Variants in KCTD1 observed in about 807,000 individuals in gnomAD.
KCTD1 encodes the protein potassium channel tetramerization domain containing 1.
A neutral mutation model predicts 66.0 loss-of-function variants in KCTD1; 24 were observed. The observed-to-expected ratio is 0.36, with a 90% confidence interval of 0.26 to 0.51. The LOEUF is 0.51. Ranked by LOEUF, KCTD1 falls within the 20% of genes least tolerant of loss-of-function variation. The probability of loss-of-function intolerance (pLI) is 0.95; values close to 1 mark genes in which losing one functional copy is unlikely to be tolerated. For synonymous variants in KCTD1, 511 were observed against 517.2 expected (o/e 0.99, Z 0.16); for missense variants, 943 against 1,205.2 (o/e 0.78, Z 3.22).
chr18:26,651,334 T>C lies in KCTD1; in HGVS notation c.9+6026A>G, dbSNP rs1290985660. ...CTAATGGGGGCTAATGGCAGGGTTT[T>C]GTAGTCAGCCAGCTGAGTTAGAATC... On this transcript the variant is annotated intron_variant, in intron 1 of 4. Coordinates refer to the KCTD1 transcript ENST00000580191. Among the ~76,000 whole-genome samples, 3 of 152,202 alleles carry C rather than the reference T, an allele frequency of 2.0e-5. No homozygotes were observed. The East Asian group carries it at 5.8e-4, about 29-fold the overall frequency.
At chr18:26,600,979 G>T (rs1473406632) in intron 1 of KCTD1, among the ~76,000 whole-genome samples, 1 of 152,040 alleles carries the variant, frequency 6.6e-6, no homozygotes, top group Non-Finnish European at 1.5e-5. Flanking sequence ...TTGAGATTCT[G>T]CATGTCTTGT....
chr18:26,472,874 T>C (rs1981143526), intron 3 of KCTD1, among the ~76,000 whole-genome samples: 1 of 152,232 alleles, frequency 6.6e-6, no homozygotes, highest in African/African-American at 2.4e-5. Flanking sequence ...TGGCCTGCTC[T>C]CTTCAACTAT....
upstream of KCTD1, chr18:26,549,603 C>T: frequency 2.6e-6 from 2 of 777,980 alleles, no homozygotes; most frequent in Non-Finnish European, 3.1e-6. Flanking sequence ...TCGGGCGAGG[C>T]GCTCCACCAA....
intron 1 of KCTD1, among the ~76,000 whole-genome samples, chr18:26,611,850 C>T (rs1987145735): frequency 6.6e-6 from 1 of 152,074 alleles, no homozygotes; most frequent in East Asian, 1.9e-4. Context: ...TATTTTTGAG[C>T]TTTGTTCTGG....
chr18:26,652,854 C>G (rs1376809978), intron 1 of KCTD1, among the ~76,000 whole-genome samples: 1 of 152,204 alleles, frequency 6.6e-6, no homozygotes, highest in Admixed American at 6.5e-5. Flanking sequence ...GTGAAAGATA[C>G]AAAATCCACC....
At chr18:26,585,451 A>T (rs1986452413) in intron 1 of KCTD1, among the ~76,000 whole-genome samples, 1 of 152,232 alleles carries the variant, frequency 6.6e-6, no homozygotes, top group Non-Finnish European at 1.5e-5. Flanking sequence ...CAAGTTAATT[A>T]ACATGCAGGG....
In KCTD1 at chr18:26,547,354, G is replaced by A; in HGVS notation, c.1183C>T (p.Leu395=). The change falls in exon 1 of 5, where the codon CTG becomes TTG. Residue 395 remains leucine (L), a synonymous_variant. Transcript: ENST00000580059. ...TTGCAGAGAGGGTTGCGTTTCGACAGGTACTTGACGAAGCTGGCGTAGGGG... is the reference window on the plus strand; with the variant it reads ...TTGCAGAGAGGGTTGCGTTTCGACAAGTACTTGACGAAGCTGGCGTAGGGG... ...FCPYASFVKY[L]SKRNPLCKAF... 1.3e-6 allele frequency: 2 copies of A among 1,551,490 alleles called. No individual in the cohort carries two copies. Among genetic ancestry groups the A allele is most frequent in the Non-Finnish European group, 1.7e-6 (2 of 1,146,786 alleles).
At chr18:26,590,721 T>C (rs1195273193) in intron 1 of KCTD1, among the ~76,000 whole-genome samples, 1 of 152,188 alleles carries the variant, frequency 6.6e-6, no homozygotes, top group Non-Finnish European at 1.5e-5. Flanking sequence ...CGTTCCATTA[T>C]GGATGAAAAC....
intron 1 of KCTD1, among the ~76,000 whole-genome samples, chr18:26,590,338 C>T (rs912136457): frequency 2.6e-5 from 4 of 152,032 alleles, no homozygotes; most frequent in African/African-American, 9.7e-5. Flanking sequence ...ATCTGCCTGC[C>T]TTGGCTACCC....
chr18:26,612,608 C>T (rs922387975), intron 1 of KCTD1, among the ~76,000 whole-genome samples: 1 of 152,186 alleles, frequency 6.6e-6, no homozygotes, highest in Non-Finnish European at 1.5e-5. Flanking sequence ...GGAACAGACT[C>T]TCCCTCACAG....
intron 2 of KCTD1, among the ~76,000 whole-genome samples, chr18:26,489,114 A>G (rs1338619782): frequency 6.6e-6 from 1 of 152,190 alleles, no homozygotes; most frequent in African/African-American, 2.4e-5. Context: ...ATTCTGCACC[A>G]ACGCAGCTGG....
intron 1 of KCTD1, among the ~76,000 whole-genome samples, chr18:26,616,839 A>G (rs907345871): frequency 2.0e-5 from 3 of 152,182 alleles, no homozygotes; most frequent in Non-Finnish European, 4.4e-5. Context: ...TTGTAATGCA[A>G]TCTAGACTTA....
chr18:26,533,642 G>T (rs1984552096), intron 1 of KCTD1, among the ~76,000 whole-genome samples: 1 of 152,024 alleles, frequency 6.6e-6, no homozygotes, highest in East Asian at 1.9e-4. Context: ...GGGACTACAG[G>T]CATGTGCCAC....
Position 26,501,372 on chromosome 18 carries a change from A to G in KCTD1, c.1810-122T>C, listed in dbSNP as rs997670513. ...CTCATTCAGTAATAAAACCTGAAAA[A>G]CCGGCAAGCTCTTGCTTTTGTTATA... On this transcript the variant is annotated intron_variant, in intron 1 of 4. Transcript: ENST00000580059. 1.2e-5 allele frequency: 10 copies of G among 849,754 alleles called. No individual in the cohort carries two copies. The Admixed American group carries it at 2.9e-4, about 25-fold the overall frequency. 52.6% of individuals were successfully genotyped at this position (849,754 alleles called of 1,614,324 possible). A position where few individuals can be genotyped will look rare whatever the true frequency, so the allele number is the denominator to read the frequency against.
intron 1 of KCTD1, among the ~76,000 whole-genome samples, chr18:26,509,917 A>C (rs907471863): frequency 2.6e-5 from 4 of 152,236 alleles, no homozygotes; most frequent in Non-Finnish European, 5.9e-5. Flanking sequence ...GACAGGAATA[A>C]ATCGCCCTAC....
In KCTD1 at chr18:26,455,704, TTG is replaced by T; in HGVS notation, c.*37_*38del. The T allele has an allele frequency of 6.2e-7, 1 of 1,613,472 alleles. No individual in the cohort carries two copies. The stretch of plus-strand genomic sequence containing the variant: ...GTCCCTTTTTTGTTTGAGTTATTGG[TTG>T]TGTGTGTTTTCCTTTTTGCATAAGA... On this transcript the variant is annotated 3_prime_UTR_variant, in exon 5 of 5. Transcript: ENST00000580059.
At chr18:26,491,073 T>A (rs1982174077) in intron 2 of KCTD1, among the ~76,000 whole-genome samples, 1 of 152,122 alleles carries the variant, frequency 6.6e-6, no homozygotes, top group Non-Finnish European at 1.5e-5. Flanking sequence ...ATTTTTACAA[T>A]AAAAATTTAA....
chr18:26,582,602 T>C (rs1986380214), intron 1 of KCTD1, among the ~76,000 whole-genome samples: 1 of 152,220 alleles, frequency 6.6e-6, no homozygotes, highest in African/African-American at 2.4e-5. Flanking sequence ...TGGTTATTTA[T>C]TGAGACATTG....
chr18:26,492,636 T>C (rs557543905), intron 2 of KCTD1, among the ~76,000 whole-genome samples: 1 of 150,702 alleles, frequency 6.6e-6, no homozygotes, highest in Non-Finnish European at 1.5e-5. Context: ...AATAAATAAA[T>C]AAATAAATAA....
Sources: gnomAD v4.1 joint callset for allele counts (sites outside exome capture counted in the v4.1 genomes callset) on GRCh38, gnomAD v4.1.1 for gene constraint, MANE v1.5 for transcripts, NCBI Gene and HGNC (gene_info 2026-07-23, HGNC 2026-07-21) for gene names.